The following PTPRO variants were observed in gnomAD, a reference collection of about 807,000 sequenced individuals.
The protein encoded by PTPRO is receptor-type tyrosine-protein phosphatase O.
A neutral mutation model predicts 145.2 loss-of-function variants in PTPRO; 62 were observed. The ratio of observed to expected loss-of-function variants is 0.43; its 90% CI spans 0.35 to 0.53. The LOEUF (loss-of-function observed/expected upper bound fraction) is 0.53. Ranked by LOEUF, PTPRO falls within the 20% of genes least tolerant of loss-of-function variation. The probability of loss-of-function intolerance (pLI) is 0.01; values close to 1 mark genes in which losing one functional copy is unlikely to be tolerated. For missense variants in PTPRO, 1,345 were observed against 1,482.7 expected (o/e 0.91, Z 1.53); for synonymous variants, 565 against 514.7 (o/e 1.10, Z -1.32).
rs188701275 is a variant in PTPRO, at chr12:15,445,397, G to T, written c.76-38577G>T. ...TGAGTCCCTAAGTGCTTTTATAAATGGCTGGATAGGCACCTCTGTAAATAA... is the reference window on the plus strand; with the variant it reads ...TGAGTCCCTAAGTGCTTTTATAAATTGCTGGATAGGCACCTCTGTAAATAA... On this transcript the variant is annotated intron_variant, in intron 1 of 26. Coordinates refer to ENST00000281171, the MANE Select transcript of PTPRO (RefSeq NM_030667.3). 1.7e-3 allele frequency among the ~76,000 whole-genome samples: 262 copies of T among 152,238 alleles called. 1 individual carries two copies. Among genetic ancestry groups the T allele is most frequent in the African/African-American group, 6.0e-3 (250 of 41,558 alleles).
intron 1 of PTPRO, among the ~76,000 whole-genome samples, chr12:15,446,614 G>T (rs927873416): frequency 1.3e-5 from 2 of 151,860 alleles, no homozygotes; most frequent in Admixed American, 1.3e-4. Flanking sequence ...ATTCCATAGG[G>T]AATGTTCCTA....
At chr12:15,362,658 A>G (rs1938244497) in intron 1 of PTPRO, among the ~76,000 whole-genome samples, 1 of 152,168 alleles carries the variant, frequency 6.6e-6, no homozygotes, top group Non-Finnish European at 1.5e-5. Flanking sequence ...AAAGTGAATT[A>G]AGAACATGAA....
At chr12:15,489,961 G>T (rs1222369404) in intron 2 of PTPRO, among the ~76,000 whole-genome samples, 2 of 152,224 alleles carry the variant, frequency 1.3e-5, no homozygotes, top group Admixed American at 1.3e-4. Context: ...TGGCACACTT[G>T]ATGACTGCAG....
chr12:15,416,394 A>G (rs968213984), intron 1 of PTPRO, among the ~76,000 whole-genome samples: 4 of 148,654 alleles, frequency 2.7e-5, no homozygotes, highest in Admixed American at 1.3e-4. Flanking sequence ...ATCTCGGCTC[A>G]CTGCAAGGTC....
chr12:15,361,649 T>A (rs549252045), intron 1 of PTPRO, among the ~76,000 whole-genome samples: 2 of 152,168 alleles, frequency 1.3e-5, no homozygotes, highest in Non-Finnish European at 2.9e-5. Flanking sequence ...CAGCAGTGCG[T>A]TTAGTTTGCG....
At chr12:15,460,618 G>A (rs556568376) in intron 1 of PTPRO, among the ~76,000 whole-genome samples, 1 of 152,148 alleles carries the variant, frequency 6.6e-6, no homozygotes, top group African/African-American at 2.4e-5. Context: ...TGCCCACAGA[G>A]CCAACCTAGG....
chr12:15,467,457 T>A (rs757930726), intron 1 of PTPRO, among the ~76,000 whole-genome samples: 5 of 151,432 alleles, frequency 3.3e-5, no homozygotes, highest in South Asian at 2.1e-4. Context: ...AAATCAACAC[T>A]GTAACCAGCC....
At chr12:15,524,649 T>C (rs1412737493) in intron 10 of PTPRO, among the ~76,000 whole-genome samples, 165 bp from the exon 11 acceptor site, 2 of 151,440 alleles carry the variant, frequency 1.3e-5, no homozygotes, top group Non-Finnish European at 2.9e-5. Flanking sequence ...CCATCCTGTA[T>C]CACCATCCTT....
chr12:15,407,170 A>T (rs1939670643), intron 1 of PTPRO, among the ~76,000 whole-genome samples: 2 of 152,210 alleles, frequency 1.3e-5, no homozygotes, highest in African/African-American at 2.4e-5. Context: ...GATAAGCTTC[A>T]TCTCTCAGTT....
chr12:15,439,989 T>C (rs942235228), intron 1 of PTPRO: 2 of 683,994 alleles, frequency 2.9e-6, no homozygotes, highest in Non-Finnish European at 2.7e-6. Context: ...GGGGCCATCA[T>C]CCTGGCCAAG....
chr12:15,398,383 T>C (rs551149205), intron 1 of PTPRO, among the ~76,000 whole-genome samples: 53 of 152,258 alleles, frequency 3.5e-4, no homozygotes, highest in Non-Finnish European at 6.5e-4. Context: ...CTTTCTCTCG[T>C]TATGTTTTGT....
chr12:15,327,437 G>A (rs968710322), intron 1 of PTPRO, among the ~76,000 whole-genome samples: 4 of 151,984 alleles, frequency 2.6e-5, no homozygotes, highest in South Asian at 2.1e-4. Flanking sequence ...TCACCACTCC[G>A]CTATGACCAC....
At chr12:15,375,042 A>G (rs1330172387) in intron 1 of PTPRO, among the ~76,000 whole-genome samples, 1 of 152,220 alleles carries the variant, frequency 6.6e-6, no homozygotes, top group South Asian at 2.1e-4. Flanking sequence ...TTACTGGTTC[A>G]CAGTATTCTA....
chr12:15,456,888 T>C (rs956794293), intron 1 of PTPRO, among the ~76,000 whole-genome samples: 2 of 152,188 alleles, frequency 1.3e-5, no homozygotes, highest in Non-Finnish European at 2.9e-5. Context: ...TAATATCTTG[T>C]TAATCTTATC....
At chr12:15,397,364 C>T (rs887064527) in intron 1 of PTPRO, among the ~76,000 whole-genome samples, 4 of 152,144 alleles carry the variant, frequency 2.6e-5, no homozygotes, top group African/African-American at 9.7e-5. Flanking sequence ...AGATTAATAT[C>T]ATTAACTCAT....
At chr12:15,513,193 GAA>G (rs1174696562) in intron 7 of PTPRO, among the ~76,000 whole-genome samples, 3 of 99,030 alleles carry the variant, frequency 3.0e-5, no homozygotes, top group African/African-American at 1.4e-4. Context: ...AAGAAAGAAA[GAA>G]AGAAAGAAAG....
chr12:15,546,392 CT>C, intron 12 of PTPRO, 176 bp from the exon 13 acceptor site: 2 of 1,433,492 alleles, frequency 1.4e-6, no homozygotes, highest in Non-Finnish European at 1.8e-6. Flanking sequence ...AGTATTCTGC[CT>C]TCCAAGTTAG....
chr12:15,436,040 G>A (rs777546170), intron 1 of PTPRO, among the ~76,000 whole-genome samples: 1 of 152,166 alleles, frequency 6.6e-6, no homozygotes, highest in Non-Finnish European at 1.5e-5. Flanking sequence ...GATACATAAC[G>A]AAATGAAGGC....
chr12:15,427,108 A>G (rs1001807210), intron 1 of PTPRO, among the ~76,000 whole-genome samples: 5 of 152,062 alleles, frequency 3.3e-5, no homozygotes, highest in African/African-American at 1.2e-4. Context: ...ATTTGGTAGT[A>G]TGTCTTAGGC....
Sources: allele counts gnomAD v4.1 joint callset (sites outside exome capture counted in the v4.1 genomes callset), GRCh38; gene constraint gnomAD v4.1.1; transcripts MANE v1.5; gene names NCBI Gene and HGNC (gene_info 2026-07-23, HGNC 2026-07-21).